ATP11A: variants seen among roughly 807,000 people sequenced by gnomAD.
The protein encoded by ATP11A is ATPase phospholipid transporting 11A, also known as phospholipid-transporting ATPase IH.
ATP11A carries 81 observed loss-of-function variants against 154.4 expected under a neutral mutation model. The observed-to-expected ratio is 0.52, with a 90% CI of 0.44 to 0.63. The LOEUF (loss-of-function observed/expected upper bound fraction) is 0.63. ATP11A is among the 30% of genes least tolerant of loss of function. The probability of loss-of-function intolerance (pLI) is 0.00; values close to 1 mark genes in which losing one functional copy is unlikely to be tolerated. For synonymous variants in ATP11A, 623 were observed against 585.9 expected (o/e 1.06, Z -0.91); for missense variants, 1,316 against 1,474.3 (o/e 0.89, Z 1.76).
intron 1 of ATP11A, among the ~76,000 whole-genome samples, chr13:112,771,939 G>T (rs1367139686): frequency 6.6e-6 from 1 of 152,210 alleles, no homozygotes; most frequent in Non-Finnish European, 1.5e-5. Flanking sequence ...GGCTGGGCGG[G>T]GTGGTCCGTG....
chr13:112,873,520 C>T (rs1404284724), intron 26 of ATP11A, 53 bp from the exon 27 acceptor site: 2 of 1,391,524 alleles, frequency 1.4e-6, no homozygotes, highest in Admixed American at 2.2e-5. Flanking sequence ...CCATCACGAT[C>T]ATTCTCACTG....
chr13:112,815,617 T>C (rs1258181631), intron 5 of ATP11A, among the ~76,000 whole-genome samples: 4 of 152,248 alleles, frequency 2.6e-5, no homozygotes, highest in Non-Finnish European at 1.5e-5. Context: ...CTTTCTGTGA[T>C]TGATTTTTAC....
chr13:112,869,552 T>C (rs1046822706), intron 25 of ATP11A, among the ~76,000 whole-genome samples: 23 of 152,228 alleles, frequency 1.5e-4, no homozygotes, highest in African/African-American at 5.5e-4. Context: ...TGAGTTCATG[T>C]CTTGCTGCCA....
rs777390104 is a variant in ATP11A at position 112,832,842 on chromosome 13, G to C, written c.1396-18G>C. On this transcript the variant is annotated intron_variant, in intron 13 of 29. Transcript: ENST00000375645. ...GACGCACCGTGATTTGGGGGTTCTG[G>C]GAACTGCTTTTTTATAGGAGCGCGA... The C allele has an allele frequency of 5.6e-6, 9 of 1,609,532 alleles. No homozygotes were observed. The highest frequency in any genetic ancestry group is 6.8e-6 in the Non-Finnish European group (8 of 1,176,698).
chr13:112,849,886 G>A (rs1355461027), intron 17 of ATP11A, among the ~76,000 whole-genome samples: 1 of 152,176 alleles, frequency 6.6e-6, no homozygotes, highest in African/African-American at 2.4e-5. Flanking sequence ...CCTCTGAGAC[G>A]GGTCCACTGG....
At position 112,854,539 on chromosome 13, in the gene ATP11A, C is replaced by T. The variant is rs773975291; in HGVS notation, c.2243+9C>T. 21 of 1,600,522 alleles carry T rather than the reference C, an allele frequency of 1.3e-5. No individual in the cohort carries two copies. Among genetic ancestry groups the T allele is most frequent in the Non-Finnish European group, 1.6e-5 (19 of 1,176,460 alleles). ...AGAGACAACCTGTCCGGGTAGGCAG[C>T]GCGTCCCCGCCCCCACCCCCACACT... On this transcript the variant is annotated intron_variant, in intron 19 of 29. Transcript: ENST00000375645.
At chr13:112,757,042 C>G (rs2076857594) in intron 1 of ATP11A, among the ~76,000 whole-genome samples, 2 of 152,238 alleles carry the variant, frequency 1.3e-5, no homozygotes, top group South Asian at 4.1e-4. Context: ...ATGTGAGCAC[C>G]TACTGTACAT....
intron 29 of ATP11A, 34 bp from the exon 30 acceptor site, chr13:112,881,842 C>T (rs371946066): frequency 1.2e-5 from 17 of 1,367,532 alleles, no homozygotes; most frequent in Admixed American, 5.7e-5. Flanking sequence ...CTCGGGACCG[C>T]GACTCAGAAT....
chr13:112,742,571 G>A (rs1891675263), intron 1 of ATP11A, among the ~76,000 whole-genome samples: 1 of 152,238 alleles, frequency 6.6e-6, no homozygotes, highest in Non-Finnish European at 1.5e-5. Flanking sequence ...GCTCAGCTGT[G>A]TAAAAATGAT....
At chr13:112,719,247 T>C (rs1358122810) in intron 1 of ATP11A, among the ~76,000 whole-genome samples, 1 of 152,184 alleles carries the variant, frequency 6.6e-6, no homozygotes, top group Admixed American at 6.5e-5. Flanking sequence ...CAGGAAATTA[T>C]GATGGTGTGT....
intron 2 of ATP11A, among the ~76,000 whole-genome samples, chr13:112,793,449 C>T (rs1172159028): frequency 2.6e-5 from 4 of 152,198 alleles, no homozygotes; most frequent in African/African-American, 7.2e-5. Flanking sequence ...GTGATTCACC[C>T]GCCTCGGCCT....
intron 1 of ATP11A, among the ~76,000 whole-genome samples, chr13:112,745,118 G>A (rs981559109): frequency 1.3e-5 from 2 of 152,222 alleles, no homozygotes; most frequent in Admixed American, 1.3e-4. Flanking sequence ...AGGCTGGAGT[G>A]CAGTGGTGCC....
intron 1 of ATP11A, among the ~76,000 whole-genome samples, chr13:112,779,308 A>T (rs2077437663): frequency 7.5e-6 from 1 of 133,918 alleles, no homozygotes; most frequent in Non-Finnish European, 1.6e-5. Context: ...TAGCCGCTGG[A>T]GTGAGGAGTA....
chr13:112,775,491 G>A (rs962573623), intron 1 of ATP11A, among the ~76,000 whole-genome samples: 1 of 152,136 alleles, frequency 6.6e-6, no homozygotes, highest in African/African-American at 2.4e-5. Context: ...AGGGGTGTTA[G>A]GTAACTGCAG....
Position 112,744,124 on chromosome 13 carries a change from T to A in ATP11A, c.40-41011T>A, listed in dbSNP as rs903004501. 3.3e-5 allele frequency among the ~76,000 whole-genome samples: 5 copies of A among 152,344 alleles called. No individual in the cohort carries two copies. In the East Asian group the frequency reaches 9.6e-4, roughly 29 times the overall value. ...GGAAGGCTTCCTCTTCACGCATTTG[T>A]CAGTGGTCAAGAAAGTTAAAACAAG... On this transcript the variant is annotated intron_variant, in intron 1 of 29. Transcript: ENST00000375645.
intron 1 of ATP11A, among the ~76,000 whole-genome samples, chr13:112,780,004 A>G (rs1326903089): frequency 6.6e-6 from 1 of 152,170 alleles, no homozygotes; most frequent in African/African-American, 2.4e-5. Flanking sequence ...GCTGAAAATC[A>G]GAGCAAGTTT....
chr13:112,882,295 T>G lies in ATP11A; in HGVS notation c.*429T>G. 1 of 421,410 alleles carries G rather than the reference T, an allele frequency of 2.4e-6. No homozygotes were observed. The highest frequency in any genetic ancestry group is 4.2e-6 in the Non-Finnish European group (1 of 240,696). The allele number at this position is 421,410 out of a possible 1,614,324, so 26.1% of individuals were successfully genotyped here. Reference sequence around the variant, plus strand: ...TGCAGAGGCCATTCCCCCAGGCCTGTGTCTTCACCCACCTGCCATCATTGG... The same window carrying G: ...TGCAGAGGCCATTCCCCCAGGCCTGGGTCTTCACCCACCTGCCATCATTGG... On this transcript the variant is annotated 3_prime_UTR_variant, in exon 30 of 30. Coordinates refer to ENST00000375645, the MANE Select transcript of ATP11A (RefSeq NM_015205.3). The surrounding 1 kb of genome is among the most constrained non-coding windows in gnomAD (Gnocchi z 5.1).
At chr13:112,775,720 C>CG (rs1555321942) in intron 1 of ATP11A, among the ~76,000 whole-genome samples, 5 of 152,130 alleles carry the variant, frequency 3.3e-5, no homozygotes, top group Non-Finnish European at 7.4e-5. Flanking sequence ...ATGCCCCCCC[C>CG]GCCTGTAAGT....
chr13:112,826,591 C>T (rs1219787522), intron 11 of ATP11A, 103 bp from the exon 12 acceptor site: 21 of 919,242 alleles, frequency 2.3e-5, no homozygotes, highest in Non-Finnish European at 3.4e-5. Flanking sequence ...TTAGTAGTAG[C>T]GCTCGTATAA....
Sources: gnomAD v4.1 joint callset for allele counts (sites outside exome capture counted in the v4.1 genomes callset) on GRCh38, gnomAD v4.1.1 for gene constraint, Gnocchi (gnomAD v3.1) non-coding constraint, MANE v1.5 for transcripts, NCBI Gene and HGNC (gene_info 2026-07-23, HGNC 2026-07-21) for gene names.